The following SNTB1 variants were observed in gnomAD, a reference collection of about 807,000 sequenced individuals.
The protein encoded by SNTB1 is syntrophin beta 1.
A neutral mutation model predicts 48.9 loss-of-function variants in SNTB1; 36 were observed. The observed-to-expected ratio is 0.74, with a 90% CI of 0.56 to 0.97. The LOEUF (loss-of-function observed/expected upper bound fraction) is 0.97, where lower values mean the gene tolerates loss of function less well. SNTB1 is among the 50% of genes least tolerant of loss of function. SNTB1 has a pLI of 0.00. For missense variants in SNTB1, 786 were observed against 703.4 expected (o/e 1.12, Z -1.33); for synonymous variants, 299 against 294.6 (o/e 1.01, Z -0.15).
intron 1 of SNTB1, among the ~76,000 whole-genome samples, chr8:120,783,012 T>C (rs1392339688): frequency 6.6e-6 from 1 of 152,206 alleles, no homozygotes; most frequent in Non-Finnish European, 1.5e-5. Context: ...TGAGTGTGTC[T>C]AATCAATAGT....
intron 1 of SNTB1, among the ~76,000 whole-genome samples, chr8:120,727,129 G>A (rs1045213695): frequency 2.0e-5 from 3 of 152,168 alleles, no homozygotes; most frequent in Non-Finnish European, 4.4e-5. Context: ...CTTGCCTGCT[G>A]GCCAATGCAG....
In SNTB1 at chr8:120,592,217, T is replaced by C. The variant is rs578235856; in HGVS notation, c.997-16992A>G. ...TTTTCCAAGAGAGAGGGCCTAGCTCTGTCACCCAGGCTGGAGTGCAGTGTC... is the reference window on the plus strand; with the variant it reads ...TTTTCCAAGAGAGAGGGCCTAGCTCCGTCACCCAGGCTGGAGTGCAGTGTC... On this transcript the variant is annotated intron_variant, in intron 3 of 6. Coordinates refer to ENST00000517992, the MANE Select transcript of SNTB1 (RefSeq NM_021021.4). Among the ~76,000 whole-genome samples the C allele has an allele frequency of 2.5e-3, 376 of 152,288 alleles. 1 individual carries two copies. Among genetic ancestry groups the C allele is most frequent in the African/African-American group, 8.8e-3 (367 of 41,560 alleles).
At chr8:120,736,522 G>A (rs986658594) in intron 1 of SNTB1, among the ~76,000 whole-genome samples, 2 of 152,196 alleles carry the variant, frequency 1.3e-5, no homozygotes, top group Non-Finnish European at 2.9e-5. Flanking sequence ...TGGTTTTGCT[G>A]GAGACCAAAG....
intron 1 of SNTB1, among the ~76,000 whole-genome samples, chr8:120,732,510 T>C (rs1039696869): frequency 6.6e-6 from 1 of 152,250 alleles, no homozygotes; most frequent in African/African-American, 2.4e-5. Flanking sequence ...ATCATTTCTA[T>C]TTTGAACAAA....
intron 1 of SNTB1, among the ~76,000 whole-genome samples, chr8:120,699,116 G>A (rs1818261505): frequency 1.3e-5 from 2 of 152,186 alleles, no homozygotes; most frequent in African/African-American, 4.8e-5. Flanking sequence ...CTGGTGTGCT[G>A]TCTAATGATC....
chr8:120,586,083 C>A (rs1816134249), intron 3 of SNTB1, among the ~76,000 whole-genome samples: 1 of 152,182 alleles, frequency 6.6e-6, no homozygotes, highest in South Asian at 2.1e-4. Flanking sequence ...GAAAAGGAGT[C>A]ATAAATTCAT....
chr8:120,576,117 G>A (rs984362013), intron 3 of SNTB1, among the ~76,000 whole-genome samples: 1 of 152,146 alleles, frequency 6.6e-6, no homozygotes, highest in Admixed American at 6.5e-5. Context: ...AGCATCATTT[G>A]GGAGCTTGCT....
At chr8:120,781,057 T>A (rs528240785) in intron 1 of SNTB1, among the ~76,000 whole-genome samples, 13 of 152,294 alleles carry the variant, frequency 8.5e-5, no homozygotes, top group African/African-American at 2.9e-4. Flanking sequence ...AAGCAAAAGC[T>A]CTTTGCTCAA....
intron 4 of SNTB1, among the ~76,000 whole-genome samples, chr8:120,565,032 G>A (rs1434046387): frequency 6.6e-6 from 1 of 152,030 alleles, no homozygotes; most frequent in Non-Finnish European, 1.5e-5. Flanking sequence ...CAAATCCAAT[G>A]GTCTTCCATT....
In SNTB1 at chr8:120,596,261, C is replaced by CT. The variant is rs1431504443; in HGVS notation, c.997-21037dup. 3.3e-5 allele frequency among the ~76,000 whole-genome samples: 5 copies of CT among 151,748 alleles called. No homozygotes were observed. The South Asian group carries it at 6.2e-4, about 19-fold the overall frequency. Reference sequence around the variant, plus strand: ...ACACATTCACAAAGGTCGACATTCACTAAACCAAAAATCTATCATGATATT... The same window carrying CT: ...ACACATTCACAAAGGTCGACATTCACTTAAACCAAAAATCTATCATGATATT... On this transcript the variant is annotated intron_variant, in intron 3 of 6. Transcript: ENST00000517992.
intron 1 of SNTB1, among the ~76,000 whole-genome samples, chr8:120,696,668 G>A (rs754677682): frequency 7.9e-5 from 12 of 152,160 alleles, no homozygotes; most frequent in Non-Finnish European, 1.6e-4. Flanking sequence ...ATGCCTTGTA[G>A]GGCTATTCTT....
At chr8:120,560,706 C>T (rs1159033662) in intron 4 of SNTB1, among the ~76,000 whole-genome samples, 1 of 152,156 alleles carries the variant, frequency 6.6e-6, no homozygotes, top group Non-Finnish European at 1.5e-5. Context: ...GACTGTCCTC[C>T]ATACCTTTCT....
intron 3 of SNTB1, among the ~76,000 whole-genome samples, chr8:120,611,689 G>C (rs925405656): frequency 6.6e-6 from 1 of 151,946 alleles, no homozygotes; most frequent in African/African-American, 2.4e-5. Context: ...GGGCGTGGTG[G>C]CGGGTGCCTG....
intron 3 of SNTB1, among the ~76,000 whole-genome samples, chr8:120,578,191 G>A (rs892661260): frequency 6.3e-5 from 9 of 142,806 alleles, no homozygotes; most frequent in Non-Finnish European, 1.2e-4. Context: ...CCGCCATCAC[G>A]CCCGGCTAAT....
intron 4 of SNTB1, among the ~76,000 whole-genome samples, chr8:120,561,138 A>C (rs1419943627): frequency 6.6e-6 from 1 of 151,698 alleles, no homozygotes; most frequent in African/African-American, 2.4e-5. Context: ...GACCAGCCTG[A>C]CCAACATGGT....
chr8:120,748,286 T>C (rs562942910), intron 1 of SNTB1, among the ~76,000 whole-genome samples: 1 of 152,330 alleles, frequency 6.6e-6, no homozygotes, highest in Non-Finnish European at 1.5e-5. Context: ...AGTGGGTTTT[T>C]TTTCCTCCCT....
chr8:120,800,243 C>T (rs890087370), intron 1 of SNTB1, among the ~76,000 whole-genome samples: 6 of 152,052 alleles, frequency 3.9e-5, no homozygotes, highest in East Asian at 3.9e-4. Flanking sequence ...AAAAGCCCCA[C>T]GCCAACTTTA....
intron 1 of SNTB1, among the ~76,000 whole-genome samples, chr8:120,716,734 G>T (rs1370488785): frequency 6.6e-6 from 1 of 152,186 alleles, no homozygotes; most frequent in Non-Finnish European, 1.5e-5. Flanking sequence ...CTGGTATTCA[G>T]TTTAGATGTC....
intron 3 of SNTB1, among the ~76,000 whole-genome samples, chr8:120,587,150 G>T (rs1412216564): frequency 6.6e-6 from 1 of 152,138 alleles, no homozygotes; most frequent in African/African-American, 2.4e-5. Flanking sequence ...GAATCCAGGA[G>T]GTGGAGGTTG....
Sources: allele counts gnomAD v4.1 joint callset (sites outside exome capture counted in the v4.1 genomes callset), GRCh38; gene constraint gnomAD v4.1.1; transcripts MANE v1.5; gene names NCBI Gene and HGNC (gene_info 2026-07-23, HGNC 2026-07-21).